MYO18B: variants seen among roughly 807,000 people sequenced by gnomAD.
The protein encoded by MYO18B is myosin XVIIIB, also known as unconventional myosin-XVIIIb.
Under a neutral mutation model 273.0 loss-of-function variants are expected in MYO18B, and 204 were observed. The ratio of observed to expected loss-of-function variants is 0.75; its 90% CI spans 0.67 to 0.84. The LOEUF is 0.84. Ranked by LOEUF, MYO18B falls within the 40% of genes least tolerant of loss-of-function variation. The probability of loss-of-function intolerance (pLI) is 0.00; values close to 1 mark genes in which losing one functional copy is unlikely to be tolerated. For synonymous variants in MYO18B, 1,330 were observed against 1,305.7 expected (o/e 1.02, Z -0.40); for missense variants, 3,212 against 3,287.6 (o/e 0.98, Z 0.56).
intron 1 of MYO18B, among the ~76,000 whole-genome samples, chr22:25,754,464 G>A (rs1034753512): frequency 3.9e-5 from 6 of 152,172 alleles, no homozygotes; most frequent in African/African-American, 1.2e-4. Context: ...GTGGGGGAAA[G>A]CCTTGAGGGT....
At chr22:25,753,608 G>A (rs2086015868) in intron 1 of MYO18B, among the ~76,000 whole-genome samples, 1 of 152,250 alleles carries the variant, frequency 6.6e-6, no homozygotes, top group East Asian at 1.9e-4. Context: ...TCTACGCTGC[G>A]TGTGTGAGCT....
intron 21 of MYO18B, among the ~76,000 whole-genome samples, chr22:25,859,478 CCATTGTTCATCCTCACTGG>C (rs996869797): frequency 4.6e-5 from 7 of 152,120 alleles, no homozygotes; most frequent in Non-Finnish European, 8.8e-5. Context: ...AGTGGCTCTA[CCATTGTTCATCCTCACTGG>C]CAATGTGTGA....
chr22:25,990,610 C>T (rs1157029779), intron 39 of MYO18B, among the ~76,000 whole-genome samples: 1 of 140,206 alleles, frequency 7.1e-6, no homozygotes, highest in Admixed American at 8.0e-5. Context: ...TTGCTTGGAC[C>T]CGGGAGGTGG....
chr22:25,898,589 C>T, intron 29 of MYO18B, 128 bp downstream of exon 29: 3 of 964,890 alleles, frequency 3.1e-6, no homozygotes, highest in Non-Finnish European at 4.7e-6. Context: ...AATCTTCCTC[C>T]CTGTCCCGTC....
In MYO18B at chr22:25,777,943, T is replaced by G. The variant is rs76931682; in HGVS notation, c.2068+162T>G. 8.0e-3 allele frequency among the ~76,000 whole-genome samples: 1,216 copies of G among 152,298 alleles called. 16 individuals are homozygous for G. The highest frequency in any genetic ancestry group is 0.027 in the African/African-American group (1,117 of 41,566). ...CTGGGCAGGGCTATCCCTAGGTCATTGGGATGCATTTGTTGAAATTAGAAT... is the reference window on the plus strand; with the variant it reads ...CTGGGCAGGGCTATCCCTAGGTCATGGGGATGCATTTGTTGAAATTAGAAT... On this transcript the variant is annotated intron_variant, in intron 8 of 43. Transcript: ENST00000335473.
chr22:25,927,769 G>A (rs2092442410), intron 34 of MYO18B, among the ~76,000 whole-genome samples: 1 of 152,136 alleles, frequency 6.6e-6, no homozygotes, highest in Non-Finnish European at 1.5e-5. Flanking sequence ...CGGACACCCA[G>A]CTTTTAAAAT....
chr22:25,951,881 G>C (rs1432387263), intron 37 of MYO18B, among the ~76,000 whole-genome samples: 1 of 152,174 alleles, frequency 6.6e-6, no homozygotes, highest in East Asian at 1.9e-4. Flanking sequence ...GACTTTCTCA[G>C]ACTCACACAC....
At chr22:25,874,041 G>A (rs974696414) in intron 22 of MYO18B, among the ~76,000 whole-genome samples, 5 of 152,196 alleles carry the variant, frequency 3.3e-5, no homozygotes, top group African/African-American at 9.7e-5. Flanking sequence ...AAGCACCCAG[G>A]TGGTGCCAAT....
At chr22:25,855,531 C>T (rs1360702167) in intron 21 of MYO18B, among the ~76,000 whole-genome samples, 2 of 152,152 alleles carry the variant, frequency 1.3e-5, no homozygotes, top group African/African-American at 2.4e-5. Context: ...CCGCCCACCT[C>T]GGCCTCCCAA....
chr22:25,887,557 G>A (rs866794507), intron 25 of MYO18B, among the ~76,000 whole-genome samples: 21 of 152,136 alleles, frequency 1.4e-4, no homozygotes, highest in African/African-American at 5.1e-4. Context: ...CTGGTTAATT[G>A]GTTCTTGAGT....
At chr22:26,056,513 A>G in the MYO18B span, among the ~76,000 whole-genome samples, 1 of 152,242 alleles carries the variant, frequency 6.6e-6, no homozygotes, top group Non-Finnish European at 1.5e-5. Flanking sequence ...CTTCATTGAA[A>G]TTAACCAAGG....
At chr22:26,018,621 C>T (rs1935565813) in intron 42 of MYO18B, among the ~76,000 whole-genome samples, 1 of 152,156 alleles carries the variant, frequency 6.6e-6, no homozygotes, top group South Asian at 2.1e-4. Flanking sequence ...GAAATCCTAC[C>T]CTTCTTCCAA....
At chr22:25,788,758 ATT>A (rs2087507349) in intron 11 of MYO18B, among the ~76,000 whole-genome samples, 1 of 152,078 alleles carries the variant, frequency 6.6e-6, no homozygotes, top group Non-Finnish European at 1.5e-5. Context: ...ACTATGATTA[ATT>A]CTGCTTCTGT....
chr22:25,828,776 A>G lies in MYO18B; in HGVS notation c.2787A>G (p.Arg929=). The G allele has an allele frequency of 6.2e-7, 1 of 1,612,784 alleles. No individual in the cohort carries two copies. Among genetic ancestry groups the G allele is most frequent in the Non-Finnish European group, 8.5e-7 (1 of 1,179,508 alleles). The part of the protein sequence containing the change: ...LFAAVVSLIN[R]SFSSHHLSMA... ...TTCCACCTCTCTCTTCTCTCCCTAGATCCTTTTCCTCCCACCATCTCTCCA... is the reference window on the plus strand; with the variant it reads ...TTCCACCTCTCTCTTCTCTCCCTAGGTCCTTTTCCTCCCACCATCTCTCCA... The change falls in exon 15 of 44, where the codon AGA becomes AGG. Residue 929 remains arginine (R), a splice_region_variant and synonymous_variant. Coordinates refer to ENST00000335473, the MANE Select transcript of MYO18B (RefSeq NM_032608.7).
At chr22:25,858,241 C>T (rs1258688988) in intron 21 of MYO18B, among the ~76,000 whole-genome samples, 1 of 152,168 alleles carries the variant, frequency 6.6e-6, no homozygotes, top group African/African-American at 2.4e-5. Flanking sequence ...TATGAATCCA[C>T]GCCCTTGATA....
At chr22:25,845,557 A>G (rs1465044737) in intron 18 of MYO18B, among the ~76,000 whole-genome samples, 2 of 152,190 alleles carry the variant, frequency 1.3e-5, no homozygotes, top group Admixed American at 1.3e-4. Flanking sequence ...AAAAGCTAGC[A>G]TCCTGGCCAC....
the MYO18B span, among the ~76,000 whole-genome samples, chr22:26,036,301 T>C: frequency 6.6e-6 from 1 of 152,220 alleles, no homozygotes; most frequent in Non-Finnish European, 1.5e-5. Context: ...TTAGCAGCTC[T>C]GGTGACAAGG....
intron 33 of MYO18B, among the ~76,000 whole-genome samples, 186 bp downstream of exon 33, chr22:25,911,236 T>C (rs1330332455): frequency 6.6e-6 from 1 of 152,146 alleles, no homozygotes; most frequent in African/African-American, 2.4e-5. Context: ...TAAGAACCCA[T>C]GGGGAATAAA....
intron 41 of MYO18B, among the ~76,000 whole-genome samples, chr22:26,003,792 T>G (rs1934191060): frequency 6.6e-6 from 1 of 152,102 alleles, no homozygotes; most frequent in African/African-American, 2.4e-5. Context: ...TGTCTTTCCT[T>G]AGGCCTCCAA....
Sources: gnomAD v4.1 joint callset for allele counts (sites outside exome capture counted in the v4.1 genomes callset) on GRCh38, gnomAD v4.1.1 for gene constraint, MANE v1.5 for transcripts, NCBI Gene and HGNC (gene_info 2026-07-23, HGNC 2026-07-21) for gene names.